Variants in ARAP2 observed in about 807,000 individuals in gnomAD.
The protein encoded by ARAP2 is arf-GAP with Rho-GAP domain, ANK repeat and PH domain-containing protein 2.
ARAP2 carries 148 observed loss-of-function variants against 194.5 expected under a neutral mutation model. The observed-to-expected ratio is 0.76, with a 90% confidence interval of 0.67 to 0.87. The LOEUF (loss-of-function observed/expected upper bound fraction) is 0.87. ARAP2 is among the 40% of genes least tolerant of loss of function. ARAP2 has a pLI of 0.00. For synonymous variants in ARAP2, 695 were observed against 683.5 expected (o/e 1.02, Z -0.26); for missense variants, 2,128 against 1,989.7 (o/e 1.07, Z -1.32).
intron 1 of ARAP2, among the ~76,000 whole-genome samples, chr4:36,242,749 A>C (rs1173157847): frequency 6.6e-6 from 1 of 152,188 alleles, no homozygotes; most frequent in Non-Finnish European, 1.5e-5. Context: ...AAGCCACATA[A>C]AATCTGACAG....
At chr4:36,152,010 T>C (rs17457078) in intron 15 of ARAP2, among the ~76,000 whole-genome samples, 36,930 of 152,142 alleles carry the variant, frequency 0.24, 5,056 homozygotes, top group South Asian at 0.32. Flanking sequence ...ATTTTTCCTT[T>C]AGCATATGAT....
chr4:36,200,551 G>A lies in ARAP2; in HGVS notation c.1488-6904C>T, dbSNP rs567833828. ...ATTACAAGTGTGAGCCACCGTGCCCGGCCTCCTCTTTTCTAGCACATGGAA... is the reference window on the plus strand; with the variant it reads ...ATTACAAGTGTGAGCCACCGTGCCCAGCCTCCTCTTTTCTAGCACATGGAA... On this transcript the variant is annotated intron_variant, in intron 6 of 32. Coordinates refer to ENST00000303965, the MANE Select transcript of ARAP2 (RefSeq NM_015230.4). 1.6e-4 allele frequency among the ~76,000 whole-genome samples: 25 copies of A among 152,160 alleles called. No individual in the cohort carries two copies. The South Asian group carries it at 1.9e-3, about 11-fold the overall frequency.
At chr4:36,031,877 C>T (rs918841034) in intron 5 of ARAP2, among the ~76,000 whole-genome samples, 2 of 152,076 alleles carry the variant, frequency 1.3e-5, no homozygotes, top group Non-Finnish European at 2.9e-5. Flanking sequence ...CCAGGTTGGA[C>T]AGGCTGGTCT....
intron 5 of ARAP2, among the ~76,000 whole-genome samples, chr4:36,031,485 A>G (rs1718945487): frequency 6.6e-6 from 1 of 152,154 alleles, no homozygotes; most frequent in South Asian, 2.1e-4. Context: ...TTTGAAGGAA[A>G]TAAGTATTTA....
chr4:36,169,532 CT>C (rs200988075), intron 9 of ARAP2, among the ~76,000 whole-genome samples: 43,856 of 136,140 alleles, frequency 0.32, 6,452 homozygotes, highest in East Asian at 0.53. Flanking sequence ...GCAAAGATGA[CT>C]TTTTTTTTTT....
chr4:36,107,844 A>G (rs1330901041), intron 26 of ARAP2, 151 bp from the exon 27 acceptor site: 2 of 630,416 alleles, frequency 3.2e-6, no homozygotes, highest in Admixed American at 3.9e-5. Flanking sequence ...CAGTAATAGC[A>G]CTATGACTAT....
chr4:36,009,547 A>G (rs753847087), intron 9 of ARAP2, among the ~76,000 whole-genome samples: 5 of 152,076 alleles, frequency 3.3e-5, no homozygotes, highest in Non-Finnish European at 7.4e-5. Context: ...TAAGGATTGG[A>G]TACTATGTTC....
At chr4:36,164,751 G>C (rs1316201969) in intron 11 of ARAP2, among the ~76,000 whole-genome samples, 163 bp downstream of exon 11, 1 of 152,160 alleles carries the variant, frequency 6.6e-6, no homozygotes, top group African/African-American at 2.4e-5. Context: ...TCATACATAA[G>C]AGAAGTTTAG....
intron 5 of ARAP2, among the ~76,000 whole-genome samples, chr4:36,022,972 C>A (rs935176753): frequency 4.6e-5 from 7 of 152,146 alleles, no homozygotes; most frequent in Non-Finnish European, 1.0e-4. Flanking sequence ...AGATAGGCAT[C>A]CTTTCTCTGA....
At chr4:36,216,655 C>T (rs957193176) in intron 2 of ARAP2, among the ~76,000 whole-genome samples, 4 of 151,828 alleles carry the variant, frequency 2.6e-5, no homozygotes, top group African/African-American at 9.7e-5. Flanking sequence ...CTTGAAAAAA[C>T]CCAAATAGAC....
At position 36,240,514 on chromosome 4, in the gene ARAP2, CTG is replaced by C. The variant is rs560527119; in HGVS notation, c.-160+3663_-160+3664del. On this transcript the variant is annotated intron_variant, in intron 1 of 32. Coordinates refer to ENST00000303965, the MANE Select transcript of ARAP2 (RefSeq NM_015230.4). ...GGATTCCAGCTCTGCCATGTGCTACCTGTGTGGCCTTGGGAGAATTCCTCTCT... is the reference window on the plus strand; with the variant it reads ...GGATTCCAGCTCTGCCATGTGCTACCTGTGGCCTTGGGAGAATTCCTCTCT... 2.5e-4 allele frequency among the ~76,000 whole-genome samples: 38 copies of C among 152,324 alleles called. No homozygotes were observed. The South Asian group carries it at 6.8e-3, about 27-fold the overall frequency.
chr4:36,123,103 C>T (rs759211529), intron 22 of ARAP2, among the ~76,000 whole-genome samples: 7 of 151,694 alleles, frequency 4.6e-5, no homozygotes, highest in African/African-American at 9.7e-5. Context: ...GAAGAGGATG[C>T]GATAATTGTG....
intron 23 of ARAP2, 79 bp downstream of exon 23, chr4:36,121,100 A>G (rs1722567674): frequency 1.9e-6 from 2 of 1,059,450 alleles, no homozygotes; most frequent in Non-Finnish European, 2.6e-6. Context: ...CTGAATAATA[A>G]CACCCTACAA....
intron 27 of ARAP2, among the ~76,000 whole-genome samples, chr4:36,100,521 A>C (rs1270409352): frequency 6.6e-6 from 1 of 152,118 alleles, no homozygotes; most frequent in Non-Finnish European, 1.5e-5. Flanking sequence ...TAATTTTGCA[A>C]TATTTGCAGG....
intron 5 of ARAP2, among the ~76,000 whole-genome samples, chr4:36,027,395 G>A (rs764340944): frequency 4.0e-5 from 6 of 151,342 alleles, no homozygotes; most frequent in Non-Finnish European, 7.4e-5. Flanking sequence ...AGCCTCCCTC[G>A]GTGCCTTTGT....
intron 27 of ARAP2, 113 bp from the exon 28 acceptor site, chr4:36,092,133 G>T: frequency 8.1e-7 from 1 of 1,231,440 alleles, no homozygotes; most frequent in Non-Finnish European, 1.1e-6. Context: ...GTTTACTACC[G>T]CTAAAGTCTA....
At chr4:36,193,685 A>G in intron 6 of ARAP2, 38 bp from the exon 7 acceptor site, 1 of 1,443,378 alleles carries the variant, frequency 6.9e-7, no homozygotes, top group Non-Finnish European at 9.6e-7. Flanking sequence ...ACATTCAAGT[A>G]ACATGAACTT....
chr4:36,179,477 A>G (rs971450105), intron 8 of ARAP2, among the ~76,000 whole-genome samples: 1 of 152,210 alleles, frequency 6.6e-6, no homozygotes, highest in African/African-American at 2.4e-5. Context: ...TGTGAACAAC[A>G]GTAACCTGTA....
At chr4:36,082,159 G>T (rs181846725) in intron 30 of ARAP2, 92 bp downstream of exon 30, 31 of 1,200,296 alleles carry the variant, frequency 2.6e-5, no homozygotes, top group Non-Finnish European at 3.7e-5. Context: ...AACACTTTCC[G>T]TCTGTAGTTC....
Sources: gnomAD v4.1 joint callset for allele counts (sites outside exome capture counted in the v4.1 genomes callset) on GRCh38, gnomAD v4.1.1 for gene constraint, MANE v1.5 for transcripts, NCBI Gene and HGNC (gene_info 2026-07-23, HGNC 2026-07-21) for gene names.